The following INCENP variants were observed in gnomAD, a reference collection of about 807,000 sequenced individuals.
INCENP encodes the protein binds and activates aurora-B and -C in vivo and in vitro.
In INCENP, 43 loss-of-function variants were observed where a neutral mutation model predicts 107.3. That is an observed-to-expected ratio of 0.40 (90% confidence interval 0.31 to 0.52). The LOEUF is 0.52. Ranked by LOEUF, INCENP falls within the 20% of genes least tolerant of loss-of-function variation. The pLI is 0.53. For synonymous variants in INCENP, 488 were observed against 494.4 expected (o/e 0.99, Z 0.17); for missense variants, 1,089 against 1,250.9 (o/e 0.87, Z 1.95).
chr11:62,131,662 A>T (rs1208124915), intron 4 of INCENP, among the ~76,000 whole-genome samples: 2 of 152,162 alleles, frequency 1.3e-5, no homozygotes, highest in Non-Finnish European at 2.9e-5. Flanking sequence ...GAAGCAAAAG[A>T]AGTGGCTTGA....
chr11:62,150,293 G>C, intron 18 of INCENP, 86 bp downstream of exon 18: 1 of 1,437,582 alleles, frequency 7.0e-7, no homozygotes, highest in Non-Finnish European at 9.6e-7. Flanking sequence ...GTTGGCTGCT[G>C]CGGTGTTGGG....
intron 15 of INCENP, among the ~76,000 whole-genome samples, chr11:62,147,136 C>T (rs928843643): frequency 1.3e-5 from 2 of 152,134 alleles, no homozygotes; most frequent in Non-Finnish European, 2.9e-5. Context: ...ATGTGCTGAC[C>T]TCTTAGGTGT....
chr11:62,127,610 C>G (rs1281502531), intron 1 of INCENP, among the ~76,000 whole-genome samples: 1 of 152,074 alleles, frequency 6.6e-6, no homozygotes, highest in Non-Finnish European at 1.5e-5. Context: ...TCACTGGCCT[C>G]TTAAAGAGGC....
chr11:62,141,476 C>A, intron 10 of INCENP, 24 bp from the exon 11 acceptor site: 2 of 1,613,996 alleles, frequency 1.2e-6, no homozygotes, highest in South Asian at 1.1e-5. Context: ...TTAACTCTTG[C>A]CTTTTCCCTT....
chr11:62,129,552 G>A (rs1943833389), intron 3 of INCENP, among the ~76,000 whole-genome samples: 3 of 152,234 alleles, frequency 2.0e-5, no homozygotes, highest in Admixed American at 1.3e-4. Flanking sequence ...TTCCTAGCCA[G>A]TTCTGTGCGG....
Position 62,151,504 on chromosome 11 carries a change from G to A in INCENP, c.2543-258G>A, listed in dbSNP as rs553636991. ...AGAACCTGCCTCCCAGGTGGTGGTC[G>A]GGACAGGTTCAAGGAGTGCCTGGCT... On this transcript the variant is annotated intron_variant, in intron 18 of 18. Coordinates refer to ENST00000394818, the MANE Select transcript of INCENP (RefSeq NM_001040694.2). Among the ~76,000 whole-genome samples, 6 of 152,342 alleles carry A rather than the reference G, an allele frequency of 3.9e-5. No individual in the cohort carries two copies. In the South Asian group the frequency reaches 8.3e-4, roughly 21 times the overall value.
At position 62,145,209 on chromosome 11, in the gene INCENP, G is replaced by T; in HGVS notation, c.1756G>T (p.Glu586Ter). ...ERLRKVLQAR[E>*]RVEQMKEEKK... The stretch of plus-strand genomic sequence containing the variant: ...CCTCCGCAAGGTGCTGCAGGCCCGC[G>T]AGCGGGTGGAGCAGATGAAGGAGGA... The change falls in exon 13 of 19, where the codon GAG (glutamate) becomes TAG (stop). Residue 586 changes from glutamate (E) to a stop codon, truncating the protein, a stop_gained. Transcript: ENST00000394818. LOFTEE classifies it high-confidence loss of function. 6.2e-7 allele frequency: 1 copy of T among 1,614,112 alleles called. No individual in the cohort carries two copies. Among genetic ancestry groups the T allele is most frequent in the South Asian group, 1.1e-5 (1 of 91,078 alleles).
chr11:62,129,986 TAAG>T lies in INCENP; in HGVS notation c.463_465del (p.Lys155del), dbSNP rs768826171. On this transcript the variant is annotated inframe_deletion, in exon 4 of 19. Coordinates refer to ENST00000394818, the MANE Select transcript of INCENP (RefSeq NM_001040694.2). ...CCCCTGAGTCTCCCACGATGCTGAC[TAAG>T]AAGCCCGAGGATAACCACACCCAGT... The T allele has an allele frequency of 1.9e-5, 30 of 1,613,942 alleles. No homozygotes were observed. The highest frequency in any genetic ancestry group is 3.3e-5 in the South Asian group (3 of 91,084).
intron 4 of INCENP, among the ~76,000 whole-genome samples, chr11:62,131,724 A>G (rs1590608559): frequency 6.6e-6 from 1 of 152,054 alleles, no homozygotes; most frequent in Non-Finnish European, 1.5e-5. Flanking sequence ...TGCTGTAAGG[A>G]TGCAGGCAGA....
At chr11:62,128,982 A>C in intron 3 of INCENP, 99 bp downstream of exon 3, 1 of 800,374 alleles carries the variant, frequency 1.2e-6, no homozygotes, top group South Asian at 1.5e-5. Context: ...TGGAAGTAGC[A>C]GCCTGTAGGA....
intron 1 of INCENP, 78 bp downstream of exon 1, chr11:62,124,241 C>T (rs1489683361): frequency 6.6e-6 from 1 of 152,234 alleles, no homozygotes; most frequent in Non-Finnish European, 1.5e-5. Context: ...CCTGTCGACT[C>T]CGGACCAGGG....
chr11:62,144,004 A>G (rs1944180856), intron 11 of INCENP, among the ~76,000 whole-genome samples: 1 of 152,352 alleles, frequency 6.6e-6, no homozygotes, highest in South Asian at 2.1e-4. Flanking sequence ...TCAGCTTTTC[A>G]GCCAACTAGT....
At chr11:62,140,871 C>T (rs1944103011) in intron 9 of INCENP, 42 bp from the exon 10 acceptor site, 1 of 1,613,686 alleles carries the variant, frequency 6.2e-7, no homozygotes, top group South Asian at 1.1e-5. Flanking sequence ...CTTCAGTACC[C>T]TGCCCCGCCT....
chr11:62,134,279 G>A (rs1028581844), intron 4 of INCENP, among the ~76,000 whole-genome samples: 2 of 152,040 alleles, frequency 1.3e-5, no homozygotes, highest in Non-Finnish European at 2.9e-5. Context: ...CAGGTATGGT[G>A]GCATGTGCCT....
intron 11 of INCENP, 65 bp downstream of exon 11, chr11:62,141,576 C>A (rs1187370773): frequency 1.3e-6 from 2 of 1,588,582 alleles, no homozygotes; most frequent in Non-Finnish European, 1.7e-6. Context: ...GTAGCCCCTT[C>A]CCTGCGTAGC....
rs1302960499 is a variant in INCENP at position 62,129,888 on chromosome 11, C to T, written c.361C>T (p.Leu121=). The T allele has an allele frequency of 1.2e-6, 2 of 1,613,626 alleles. No individual in the cohort carries two copies. Among genetic ancestry groups the T allele is most frequent in the Non-Finnish European group, 1.7e-6 (2 of 1,180,006 alleles). The change falls in exon 4 of 19, where the codon CTG becomes TTG. Residue 121 remains leucine, a synonymous_variant. Transcript: ENST00000394818. The part of the protein sequence containing the change: ...ATVVGENGSV[L]RRVTRAAAAA... ...AGTGGTCGGGGAGAACGGCTCCGTC[C>T]TGCGGCGTGTGACCCGTGCTGCGGC...
intron 11 of INCENP, among the ~76,000 whole-genome samples, chr11:62,143,548 C>T (rs1304177470): frequency 1.3e-5 from 2 of 152,122 alleles, no homozygotes; most frequent in African/African-American, 4.8e-5. Flanking sequence ...CCGCTCCTTG[C>T]ATTCTGTCCA....
intron 1 of INCENP, among the ~76,000 whole-genome samples, chr11:62,127,750 G>C (rs1293048166): frequency 6.6e-6 from 1 of 152,224 alleles, no homozygotes; most frequent in Non-Finnish European, 1.5e-5. Context: ...GAGCAGGACT[G>C]TGTTTGGGCA....
intron 18 of INCENP, among the ~76,000 whole-genome samples, chr11:62,150,792 T>C (rs1223353966): frequency 6.6e-6 from 1 of 151,958 alleles, no homozygotes. Context: ...GTGAGCAGGG[T>C]AGGTGCTAGA....
Sources: allele counts gnomAD v4.1 joint callset (sites outside exome capture counted in the v4.1 genomes callset), GRCh38; gene constraint gnomAD v4.1.1; transcripts MANE v1.5; gene names NCBI Gene and HGNC (gene_info 2026-07-23, HGNC 2026-07-21).